The following FANCC variants were observed in gnomAD, a reference collection of about 807,000 sequenced individuals.
FANCC encodes Fanconi anemia group C protein.
Under a neutral mutation model 71.3 loss-of-function variants are expected in FANCC, and 55 were observed. That is an observed-to-expected ratio of 0.77 (90% CI 0.62 to 0.97). The LOEUF (loss-of-function observed/expected upper bound fraction) is 0.97. FANCC is among the 50% of genes least tolerant of loss of function. The probability of loss-of-function intolerance (pLI) is 0.00; values close to 1 mark genes in which losing one functional copy is unlikely to be tolerated. For synonymous variants in FANCC, 275 were observed against 244.9 expected (o/e 1.12, Z -1.15); for missense variants, 678 against 670.9 (o/e 1.01, Z -0.12).
At chr9:95,301,945 G>C (rs1202611841) in intron 1 of FANCC, among the ~76,000 whole-genome samples, 6 of 150,320 alleles carry the variant, frequency 4.0e-5, no homozygotes, top group African/African-American at 1.5e-4. Context: ...AGCCAGGCGC[G>C]GTGGCGGGCG....
chr9:95,191,055 G>A (rs758416812), intron 4 of FANCC, among the ~76,000 whole-genome samples: 2 of 151,912 alleles, frequency 1.3e-5, no homozygotes, highest in Non-Finnish European at 2.9e-5. Context: ...GTCATGAAGG[G>A]CTGGACTCCA....
intron 4 of FANCC, among the ~76,000 whole-genome samples, chr9:95,207,530 G>A (rs773972265): frequency 2.0e-5 from 3 of 152,012 alleles, no homozygotes; most frequent in Non-Finnish European, 4.4e-5. Context: ...CCACAAGACC[G>A]AGACTCAGAA....
chr9:95,195,628 G>A (rs1431458370), intron 4 of FANCC, among the ~76,000 whole-genome samples: 1 of 152,192 alleles, frequency 6.6e-6, no homozygotes, highest in Non-Finnish European at 1.5e-5. Flanking sequence ...TCTAGAATAA[G>A]TCTGCCTATG....
intron 4 of FANCC, among the ~76,000 whole-genome samples, chr9:95,193,873 C>T (rs1197931529): frequency 1.3e-5 from 2 of 152,184 alleles, no homozygotes; most frequent in Non-Finnish European, 2.9e-5. Context: ...CTAGCCAGAA[C>T]GAATGCTGCC....
At chr9:95,214,955 G>C (rs572537495) in intron 4 of FANCC, among the ~76,000 whole-genome samples, 10 of 152,092 alleles carry the variant, frequency 6.6e-5, no homozygotes, top group South Asian at 2.1e-4. Context: ...TAATACCACT[G>C]AACTATATAC....
chr9:95,142,480 A>AC (rs1273854352), intron 7 of FANCC: 2 of 152,098 alleles, frequency 1.3e-5, no homozygotes, highest in East Asian at 1.9e-4. Flanking sequence ...CCCAGGCCCA[A>AC]CCCCCCTCAG....
intron 10 of FANCC, among the ~76,000 whole-genome samples, chr9:95,118,674 C>G (rs534881250): frequency 2.6e-5 from 4 of 152,280 alleles, no homozygotes; most frequent in South Asian, 2.1e-4. Flanking sequence ...AGTATGTTTT[C>G]TTTTGTGTCT....
At chr9:95,311,999 G>A (rs1466268470) in intron 1 of FANCC, among the ~76,000 whole-genome samples, 1 of 152,102 alleles carries the variant, frequency 6.6e-6, no homozygotes. Flanking sequence ...CTGCCCACTG[G>A]ATGCCATAAG....
chr9:95,190,894 G>A (rs756226129), intron 4 of FANCC, among the ~76,000 whole-genome samples: 1 of 152,194 alleles, frequency 6.6e-6, no homozygotes, highest in Non-Finnish European at 1.5e-5. Context: ...GAGGTCTTCT[G>A]TCATGAAGGG....
At chr9:95,210,271 G>A (rs1335483802) in intron 4 of FANCC, among the ~76,000 whole-genome samples, 1 of 152,108 alleles carries the variant, frequency 6.6e-6, no homozygotes, top group Non-Finnish European at 1.5e-5. Context: ...TTATGTGGAT[G>A]ATATTGAACA....
At chr9:95,153,458 C>T (rs1830292003) in intron 6 of FANCC, among the ~76,000 whole-genome samples, 1 of 152,104 alleles carries the variant, frequency 6.6e-6, no homozygotes. Context: ...AATTTATATT[C>T]CCACCAGCAG....
At chr9:95,101,898 G>A in intron 14 of FANCC, 48 bp from the exon 15 acceptor site, 2 of 1,610,760 alleles carry the variant, frequency 1.2e-6, no homozygotes, top group Non-Finnish European at 1.7e-6. Flanking sequence ...TTTCCAGACA[G>A]ATTTGTCCTT....
chr9:95,194,669 C>T (rs554247121), intron 4 of FANCC, among the ~76,000 whole-genome samples: 8 of 151,480 alleles, frequency 5.3e-5, no homozygotes, highest in African/African-American at 1.5e-4. Context: ...TTCACCTTTT[C>T]GTGAAATAGT....
intron 13 of FANCC, 44 bp from the exon 14 acceptor site, chr9:95,107,313 G>A (rs112459189): frequency 2.3e-5 from 37 of 1,582,228 alleles, no homozygotes; most frequent in African/African-American, 1.2e-4. Context: ...GAAGAGGCAG[G>A]ACAGACATAC....
intron 1 of FANCC, among the ~76,000 whole-genome samples, chr9:95,265,401 T>G (rs1019603348): frequency 6.6e-6 from 1 of 152,180 alleles, no homozygotes; most frequent in East Asian, 1.9e-4. Context: ...TTCTCTGGAC[T>G]TGGCTTCAAA....
rs1376922387 is a variant in FANCC at position 95,249,127 on chromosome 9, C to T, written c.165G>A (p.Met55Ile). The T allele has an allele frequency of 6.2e-7, 1 of 1,613,754 alleles. No individual in the cohort carries two copies. Among genetic ancestry groups the T allele is most frequent in the Admixed American group, 1.7e-5 (1 of 60,010 alleles). ...TTCATTATTCTGGTCCACTACTTAC[C>T]ATCTCTTTCAAGGCTTCATACATCT... is the stretch of plus-strand genomic sequence containing the variant. ...LRKMYEALKE[M>I]DSNTVIERFP... The change falls in exon 2 of 15, where the codon ATG becomes ATA. Residue 55 changes from methionine to isoleucine, a missense_variant and splice_region_variant. Coordinates refer to ENST00000289081, the MANE Select transcript of FANCC (RefSeq NM_000136.3).
rs779261511 is a variant in FANCC, at chr9:95,111,533, G to A, written c.1259C>T (p.Thr420Met). 29 of 1,614,044 alleles carry A rather than the reference G, an allele frequency of 1.8e-5. 1 individual carries two copies. The African/African-American group carries it at 1.9e-4, about 10-fold the overall frequency. The change falls in exon 13 of 15, where the codon ACG becomes ATG. Residue 420 changes from threonine to methionine, a missense_variant. Transcript: ENST00000289081. ...QLLMSAAEPP[T>M]ALLWLLAFYY... ...GAAGGCCAAGAGCCACAGCAGGGCC[G>A]TGGGGGGTTCGGCTGCCGACATCAG... is the stretch of plus-strand genomic sequence containing the variant.
At chr9:95,144,006 A>G (rs1829151010) in intron 7 of FANCC, among the ~76,000 whole-genome samples, 1 of 152,132 alleles carries the variant, frequency 6.6e-6, no homozygotes, top group Admixed American at 6.5e-5. Context: ...ACACCAGCCA[A>G]TTGTCAAACA....
In FANCC at chr9:95,304,057, C is replaced by A. The variant is rs1298163935; in HGVS notation, c.-79+13469G>T. Among the ~76,000 whole-genome samples the A allele has an allele frequency of 3.9e-5, 6 of 152,164 alleles. No homozygotes were observed. In the East Asian group the frequency reaches 1.2e-3, roughly 29 times the overall value. ...GGTAGAAGGAAATTAAACAATGCCT[C>A]ACAATTCTAAAGGAAAATAATTTCC... On this transcript the variant is annotated intron_variant, in intron 1 of 14. Transcript: ENST00000289081.
Sources: allele counts gnomAD v4.1 joint callset (sites outside exome capture counted in the v4.1 genomes callset), GRCh38; gene constraint gnomAD v4.1.1; transcripts MANE v1.5; gene names NCBI Gene and HGNC (gene_info 2026-07-23, HGNC 2026-07-21).